The following NCAM2 variants were observed in gnomAD, a reference collection of about 807,000 sequenced individuals.
The protein encoded by NCAM2 is neural cell adhesion molecule 2, also known as N-CAM-2.
NCAM2 carries 30 observed loss-of-function variants against 98.1 expected under a neutral mutation model. That is an observed-to-expected ratio of 0.31 (90% CI 0.23 to 0.41). The LOEUF (loss-of-function observed/expected upper bound fraction) is 0.41, where lower values mean the gene tolerates loss of function less well. Among genes scored for constraint, NCAM2 ranks in the 10% least tolerant of loss-of-function variants. The probability of loss-of-function intolerance (pLI) is 1.00; values close to 1 mark genes in which losing one functional copy is unlikely to be tolerated. For missense variants in NCAM2, 867 were observed against 1,005.8 expected (o/e 0.86, Z 1.87); for synonymous variants, 368 against 342.4 (o/e 1.07, Z -0.83).
intron 1 of NCAM2, among the ~76,000 whole-genome samples, chr21:21,189,953 G>A (rs1569127998): frequency 6.6e-6 from 1 of 152,182 alleles, no homozygotes; most frequent in Non-Finnish European, 1.5e-5. Context: ...AACTTGCCAT[G>A]ATAGATGGGC....
intron 1 of NCAM2, among the ~76,000 whole-genome samples, chr21:21,175,612 G>T (rs1322008209): frequency 6.6e-6 from 1 of 152,178 alleles, no homozygotes; most frequent in African/African-American, 2.4e-5. Context: ...TTTAAGGTTT[G>T]CTTTGGAATT....
intron 6 of NCAM2, among the ~76,000 whole-genome samples, chr21:21,329,994 C>T (rs73232004): frequency 0.57 from 85,491 of 151,080 alleles, 24,318 homozygotes; most frequent in Admixed American, 0.65. Flanking sequence ...TAGTATTCTC[C>T]CCTCTCTCAT....
Position 21,218,663 on chromosome 21 carries a change from A to G in NCAM2, c.56-61915A>G, listed in dbSNP as rs186144671. On this transcript the variant is annotated intron_variant, in intron 1 of 17. Transcript: ENST00000400546. ...AACTTTACTGACTTTGAAGACTGGA[A>G]AGAGGCCTCTATAACCTGGAAAAGG... Among the ~76,000 whole-genome samples the G allele has an allele frequency of 1.3e-3, 192 of 152,308 alleles. 4 individuals carry two copies. The highest frequency in any genetic ancestry group is 4.0e-3 in the Admixed American group (61 of 15,300).
At chr21:21,080,958 C>G (rs988811846) in intron 1 of NCAM2, among the ~76,000 whole-genome samples, 4 of 152,074 alleles carry the variant, frequency 2.6e-5, no homozygotes, top group Admixed American at 2.6e-4. Context: ...GTAAATTACA[C>G]TTAGAAGAGG....
At chr21:21,208,849 A>G (rs1272299442) in intron 1 of NCAM2, among the ~76,000 whole-genome samples, 2 of 152,098 alleles carry the variant, frequency 1.3e-5, no homozygotes, top group African/African-American at 4.8e-5. Flanking sequence ...TTCAACCTAA[A>G]ATTATCTTAT....
intron 15 of NCAM2, among the ~76,000 whole-genome samples, chr21:21,483,649 A>T (rs1357530397): frequency 6.6e-6 from 1 of 152,128 alleles, no homozygotes; most frequent in Non-Finnish European, 1.5e-5. Flanking sequence ...ACAATGGTGA[A>T]ATAGAAGTCC....
At chr21:21,402,613 C>A (rs112628962) in intron 9 of NCAM2, among the ~76,000 whole-genome samples, 2,762 of 152,214 alleles carry the variant, frequency 0.018, 89 homozygotes, top group African/African-American at 0.063. Context: ...AAGCATGTGA[C>A]CTACTCCCTG....
intron 15 of NCAM2, among the ~76,000 whole-genome samples, chr21:21,496,347 T>G (rs1006266322): frequency 2.0e-5 from 3 of 152,092 alleles, no homozygotes. Flanking sequence ...TGGTTTTGAT[T>G]TACATTTTTG....
chr21:21,504,715 A>AAT (rs1263089175), intron 15 of NCAM2, among the ~76,000 whole-genome samples: 2 of 151,642 alleles, frequency 1.3e-5, no homozygotes, highest in South Asian at 2.1e-4. Context: ...GGTGACATTT[A>AAT]ATATATATAT....
At chr21:21,428,036 A>C (rs1183337122) in intron 11 of NCAM2, among the ~76,000 whole-genome samples, 4 of 152,252 alleles carry the variant, frequency 2.6e-5, no homozygotes, top group African/African-American at 9.6e-5. Context: ...GTAGTTGACA[A>C]AAGTGGCAAG....
intron 1 of NCAM2, among the ~76,000 whole-genome samples, chr21:21,121,016 A>G (rs974329460): frequency 6.6e-6 from 1 of 152,234 alleles, no homozygotes; most frequent in South Asian, 2.1e-4. Context: ...GCGCCCGGCC[A>G]TGGATGTTTA....
chr21:21,170,891 T>C (rs917852925), intron 1 of NCAM2, among the ~76,000 whole-genome samples: 1 of 152,150 alleles, frequency 6.6e-6, no homozygotes, highest in East Asian at 1.9e-4. Flanking sequence ...CTCTGCACTT[T>C]CTTGTCAGCT....
chr21:21,092,661 G>A (rs942067638), intron 1 of NCAM2, among the ~76,000 whole-genome samples: 5 of 54,546 alleles, frequency 9.2e-5, no homozygotes, highest in Admixed American at 5.4e-4. Context: ...TGAAGACAAA[G>A]GAGTGAAATA....
intron 5 of NCAM2, among the ~76,000 whole-genome samples, chr21:21,321,659 C>A (rs924189550): frequency 6.6e-6 from 1 of 152,118 alleles, no homozygotes; most frequent in Non-Finnish European, 1.5e-5. Flanking sequence ...CCCAGCACCA[C>A]TTACCGAATA....
At chr21:21,395,870 G>C (rs977529467) in intron 9 of NCAM2, among the ~76,000 whole-genome samples, 7 of 152,122 alleles carry the variant, frequency 4.6e-5, no homozygotes, top group African/African-American at 1.7e-4. Context: ...ACTCAAGATA[G>C]ATCAAAGACT....
At chr21:21,517,147 A>G (rs1988757611) in intron 16 of NCAM2, among the ~76,000 whole-genome samples, 1 of 152,180 alleles carries the variant, frequency 6.6e-6, no homozygotes, top group Non-Finnish European at 1.5e-5. Context: ...GAATAAGTAT[A>G]TTTCCAGTTC....
In NCAM2 at chr21:21,385,485, AGT is replaced by A. The variant is rs1349665109; in HGVS notation, c.1195+11473_1195+11474del. ...CTACAGGGTAATACTGCTAAGAGTG[AGT>A]AGAAAAGAGTCAAACCATTTATAAT... On this transcript the variant is annotated intron_variant, in intron 9 of 17. Transcript: ENST00000400546. 6 of 454,684 alleles carry A rather than the reference AGT, an allele frequency of 1.3e-5. No individual in the cohort carries two copies. The East Asian group carries it at 4.2e-4, about 32-fold the overall frequency. 28.2% of individuals were successfully genotyped at this position (454,684 alleles called of 1,614,324 possible). A position where few individuals can be genotyped will look rare whatever the true frequency, so the allele number is the denominator to read the frequency against.
At chr21:21,002,724 T>TC (rs2064042024) in intron 1 of NCAM2, among the ~76,000 whole-genome samples, 1 of 152,014 alleles carries the variant, frequency 6.6e-6, no homozygotes, top group Admixed American at 6.6e-5. Context: ...TTGCCCTATT[T>TC]CCCCCCAAAA....
intron 15 of NCAM2, among the ~76,000 whole-genome samples, chr21:21,495,080 A>C (rs1987125322): frequency 6.6e-6 from 1 of 151,926 alleles, no homozygotes; most frequent in Admixed American, 6.6e-5. Flanking sequence ...AGGATAGCTA[A>C]AACTATAAGA....
Sources: allele counts gnomAD v4.1 joint callset (sites outside exome capture counted in the v4.1 genomes callset), GRCh38; gene constraint gnomAD v4.1.1; transcripts MANE v1.5; gene names NCBI Gene and HGNC (gene_info 2026-07-23, HGNC 2026-07-21).